Variants in TTC29 observed in about 807,000 individuals in gnomAD.
TTC29 encodes the protein tetratricopeptide repeat protein 29.
TTC29 carries 49 observed loss-of-function variants against 58.1 expected under a neutral mutation model. The ratio of observed to expected loss-of-function variants is 0.84; its 90% CI spans 0.67 to 1.07. The LOEUF (loss-of-function observed/expected upper bound fraction) is 1.07, where lower values mean the gene tolerates loss of function less well. TTC29 is among the 50% of genes least tolerant of loss of function. The probability of loss-of-function intolerance (pLI) is 0.00; values close to 1 mark genes in which losing one functional copy is unlikely to be tolerated. For missense variants in TTC29, 582 were observed against 555.6 expected (o/e 1.05, Z -0.48); for synonymous variants, 209 against 196.8 (o/e 1.06, Z -0.52).
At chr4:146,862,280 C>A (rs1730285571) in intron 8 of TTC29, among the ~76,000 whole-genome samples, 1 of 150,158 alleles carries the variant, frequency 6.7e-6, no homozygotes, top group Admixed American at 6.6e-5. Context: ...CATATACACA[C>A]AAAATATATT....
At chr4:146,897,291 G>C (rs764359278) in intron 6 of TTC29, among the ~76,000 whole-genome samples, 3 of 152,144 alleles carry the variant, frequency 2.0e-5, no homozygotes, top group Non-Finnish European at 4.4e-5. Flanking sequence ...CTGCAGGCCA[G>C]CTTCTCAGAA....
chr4:146,715,511 C>T (rs888525316), intron 11 of TTC29, among the ~76,000 whole-genome samples: 1 of 151,808 alleles, frequency 6.6e-6, no homozygotes, highest in Non-Finnish European at 1.5e-5. Context: ...AAGGCAAGCA[C>T]AGAAAGATAA....
intron 11 of TTC29, among the ~76,000 whole-genome samples, chr4:146,743,575 T>C (rs1405723450): frequency 6.6e-6 from 1 of 152,198 alleles, no homozygotes; most frequent in African/African-American, 2.4e-5. Flanking sequence ...CCCAGAAATA[T>C]TTAGTCCAAC....
chr4:146,939,819 G>A lies in TTC29; in HGVS notation c.77C>T (p.Ser26Phe). The A allele has an allele frequency of 1.2e-6, 2 of 1,612,322 alleles. No individual in the cohort carries two copies. Among genetic ancestry groups the A allele is most frequent in the Non-Finnish European group, 1.7e-6 (2 of 1,179,380 alleles). The change falls in exon 3 of 13, where the codon TCC becomes TTC. Residue 26 changes from serine to phenylalanine, a missense_variant. By Grantham distance (155) the Ser-to-Phe change is radical. Coordinates refer to ENST00000325106, the MANE Select transcript of TTC29 (RefSeq NM_031956.4). ...ALARQKLPCS[S>F]RKIPRSQLIK... ...GGGCACGTACCTTGGAATTTTTCTG[G>A]AGGAGCAAGGCAGCTTCTGTCTGGC...
At chr4:146,764,647 T>C (rs1322376422) in intron 11 of TTC29, among the ~76,000 whole-genome samples, 2 of 152,030 alleles carry the variant, frequency 1.3e-5, no homozygotes, top group Non-Finnish European at 2.9e-5. Flanking sequence ...TGTTCGAACA[T>C]AGGTATCATT....
intron 11 of TTC29, among the ~76,000 whole-genome samples, chr4:146,722,347 C>G (rs1438724622): frequency 6.6e-6 from 1 of 152,044 alleles, no homozygotes; most frequent in African/African-American, 2.4e-5. Flanking sequence ...CAAAAAAGAG[C>G]CCAAATAGCC....
chr4:146,764,418 A>C (rs917829929), intron 11 of TTC29, among the ~76,000 whole-genome samples: 1 of 152,062 alleles, frequency 6.6e-6, no homozygotes, highest in African/African-American at 2.4e-5. Flanking sequence ...GAGGGCAGAT[A>C]GTATCATATC....
At chr4:146,835,763 C>T (rs562774222) in intron 8 of TTC29, among the ~76,000 whole-genome samples, 1 of 152,226 alleles carries the variant, frequency 6.6e-6, no homozygotes, top group South Asian at 2.1e-4. Flanking sequence ...TCCATGGGCT[C>T]TGAAGCACAT....
In TTC29 at chr4:146,706,877, T is replaced by A. The variant is rs779146854; in HGVS notation, c.*281A>T. The A allele has an allele frequency of 4.3e-5, 12 of 276,854 alleles. No individual in the cohort carries two copies. The highest frequency in any genetic ancestry group is 5.3e-5 in the Non-Finnish European group (8 of 150,012). The allele number at this position is 276,854 out of a possible 1,614,324, so 17.1% of individuals were successfully genotyped here. ...AAAATATTTTCTTATTTTGGTTTCA[T>A]GGTATCACTATTTCTTGTGGAATAG... On this transcript the variant is annotated 3_prime_UTR_variant, in exon 13 of 13. Coordinates refer to ENST00000325106, the MANE Select transcript of TTC29 (RefSeq NM_031956.4).
intron 4 of TTC29, among the ~76,000 whole-genome samples, chr4:146,929,996 T>C (rs73852797): frequency 0.075 from 11,099 of 148,416 alleles, 1,402 homozygotes; most frequent in African/African-American, 0.26. Context: ...AATACACACA[T>C]ACATATATAC....
At chr4:146,796,436 G>A (rs1173878465) in intron 11 of TTC29, among the ~76,000 whole-genome samples, 1 of 152,110 alleles carries the variant, frequency 6.6e-6, no homozygotes, top group Non-Finnish European at 1.5e-5. Flanking sequence ...TACACAAGGT[G>A]AGAATTTTTG....
intron 6 of TTC29, among the ~76,000 whole-genome samples, chr4:146,884,641 A>G (rs2150237968): frequency 6.6e-6 from 1 of 152,232 alleles, no homozygotes; most frequent in South Asian, 2.1e-4. Flanking sequence ...ATGAACAAGT[A>G]GGATTTATTT....
intron 4 of TTC29, among the ~76,000 whole-genome samples, chr4:146,913,739 C>G (rs1481891571): frequency 6.6e-6 from 1 of 152,080 alleles, no homozygotes; most frequent in Admixed American, 6.6e-5. Context: ...CCACCATAAC[C>G]TTTCAATAAA....
chr4:146,728,773 ACATATATATGTGTATATATACG>A (rs1352368918), intron 11 of TTC29, among the ~76,000 whole-genome samples: 3,974 of 132,484 alleles, frequency 0.03, 369 homozygotes, highest in African/African-American at 0.1. Flanking sequence ...ATATATATAC[ACATATATATGTGTATATATACG>A]TATATATACA....
At position 146,904,880 on chromosome 4, in the gene TTC29, C is replaced by T. The variant is rs148208511; in HGVS notation, c.401-1151G>A. On this transcript the variant is annotated intron_variant, in intron 5 of 12. Coordinates refer to ENST00000325106, the MANE Select transcript of TTC29 (RefSeq NM_031956.4). ...ACAACAAAGGGTCATTCTGCAGAAC[C>T]GTAAGTAAGTCACCCCAATGTTTCA... is the stretch of plus-strand genomic sequence containing the variant. Among the ~76,000 whole-genome samples, 192 of 152,226 alleles carry T rather than the reference C, an allele frequency of 1.3e-3. 1 individual carries two copies. Among genetic ancestry groups the T allele is most frequent in the African/African-American group, 4.2e-3 (175 of 41,556 alleles).
chr4:146,820,181 GA>G lies in TTC29; in HGVS notation c.1044del (p.Gln349LysfsTer3). On this transcript the variant is annotated frameshift_variant, in exon 10 of 13. Coordinates refer to ENST00000325106, the MANE Select transcript of TTC29 (RefSeq NM_031956.4). LOFTEE classifies it high-confidence loss of function. ...KKFVKIARNN[F>X]QSLDLVRAST... Reference sequence around the variant, plus strand: ...CTTGCTCTCACCAAATCTAGGCTTTGAAAATTGTTTCTTGCAATTTTCACAA... The same window carrying G: ...CTTGCTCTCACCAAATCTAGGCTTTGAAATTGTTTCTTGCAATTTTCACAA... 6.2e-7 allele frequency: 1 copy of G among 1,613,250 alleles called. No homozygotes were observed. Among genetic ancestry groups the G allele is most frequent in the Non-Finnish European group, 8.5e-7 (1 of 1,179,762 alleles).
chr4:146,858,168 A>T (rs1160717408), intron 8 of TTC29, among the ~76,000 whole-genome samples: 1 of 152,216 alleles, frequency 6.6e-6, no homozygotes, highest in East Asian at 1.9e-4. Flanking sequence ...GTCTTCACAA[A>T]GACACAGTGA....
At chr4:146,787,584 A>G (rs1420083270) in intron 11 of TTC29, among the ~76,000 whole-genome samples, 1 of 152,168 alleles carries the variant, frequency 6.6e-6, no homozygotes, top group Non-Finnish European at 1.5e-5. Context: ...AGATGTGATC[A>G]CTTTATCTAA....
chr4:146,926,914 T>C (rs2150312136), intron 4 of TTC29, among the ~76,000 whole-genome samples: 1 of 152,084 alleles, frequency 6.6e-6, no homozygotes, highest in East Asian at 1.9e-4. Context: ...AGTTCATTCC[T>C]TATGACAACC....
Sources: gnomAD v4.1 joint callset for allele counts (sites outside exome capture counted in the v4.1 genomes callset) on GRCh38, gnomAD v4.1.1 for gene constraint, MANE v1.5 for transcripts, NCBI Gene and HGNC (gene_info 2026-07-23, HGNC 2026-07-21) for gene names.